TTC8: variants seen among roughly 807,000 people sequenced by gnomAD.
TTC8 encodes tetratricopeptide repeat protein 8.
Under a neutral mutation model 72.5 loss-of-function variants are expected in TTC8, and 47 were observed. The ratio of observed to expected loss-of-function variants is 0.65; its 90% CI spans 0.51 to 0.83. The LOEUF is 0.83. TTC8 is among the 40% of genes least tolerant of loss of function. TTC8 has a pLI of 0.00. For missense variants in TTC8, 611 were observed against 623.2 expected, an observed-to-expected ratio of 0.98 and a Z score of 0.21; for synonymous variants, 199 against 221.4, an observed-to-expected ratio of 0.90 and a Z score of 0.90.
Position 88,866,537 on chromosome 14 carries a change from C to G in TTC8, c.910-3522C>G, listed in dbSNP as rs537181815. ...TTCAGCCTACACAGTGGCCATTGAC[C>G]CTCTCTGTGAAAGTAAAATCACCAC... On this transcript the variant is annotated intron_variant, in intron 10 of 14. Coordinates refer to ENST00000380656, the MANE Select transcript of TTC8 (RefSeq NM_144596.4). 3.3e-5 allele frequency among the ~76,000 whole-genome samples: 5 copies of G among 152,146 alleles called. No individual in the cohort carries two copies. The East Asian group carries it at 9.7e-4, about 29-fold the overall frequency.
At chr14:88,837,839 T>G (rs1278000438) in intron 2 of TTC8, among the ~76,000 whole-genome samples, 3 of 152,226 alleles carry the variant, frequency 2.0e-5, no homozygotes, top group African/African-American at 2.4e-5. Context: ...TTCTATACTT[T>G]GTTGGCTCTC....
At position 88,853,072 on chromosome 14, in the gene TTC8, T is replaced by A. The variant is rs761220167; in HGVS notation, c.710+16T>A. 2 of 1,598,932 alleles carry A rather than the reference T, an allele frequency of 1.3e-6. No individual in the cohort carries two copies. Among genetic ancestry groups the A allele is most frequent in the Non-Finnish European group, 1.7e-6 (2 of 1,166,714 alleles). ...GTTACTACAGGTAAATTTCATTATT[T>A]GTGAAGGGCTTAGAAGTGGCCACGT... is the stretch of plus-strand genomic sequence containing the variant. On this transcript the variant is annotated intron_variant, in intron 8 of 14. Transcript: ENST00000380656.
intron 10 of TTC8, among the ~76,000 whole-genome samples, chr14:88,867,664 G>A (rs1460254079): frequency 2.6e-5 from 4 of 152,094 alleles, no homozygotes; most frequent in African/African-American, 7.2e-5. Context: ...ACCTACATAC[G>A]AGGTTGTCAG....
intron 13 of TTC8, among the ~76,000 whole-genome samples, chr14:88,872,922 C>T (rs1047841733): frequency 2.0e-5 from 3 of 152,192 alleles, no homozygotes; most frequent in African/African-American, 7.2e-5. Flanking sequence ...AGACTGCTCT[C>T]ATCTCTTGCA....
intron 1 of TTC8, among the ~76,000 whole-genome samples, chr14:88,830,704 T>C (rs1368668586): frequency 6.6e-6 from 1 of 152,232 alleles, no homozygotes; most frequent in East Asian, 1.9e-4. Context: ...TCTGCTCAAC[T>C]GCGCTGATAC....
chr14:88,862,570 A>T (rs1178452885), intron 10 of TTC8, among the ~76,000 whole-genome samples: 3 of 63,080 alleles, frequency 4.8e-5, no homozygotes, highest in Admixed American at 1.7e-4. Context: ...ATATATATAT[A>T]TATATATATA....
chr14:88,847,872 C>G (rs1411593257), intron 7 of TTC8, among the ~76,000 whole-genome samples: 1 of 151,916 alleles, frequency 6.6e-6, no homozygotes, highest in Non-Finnish European at 1.5e-5. Context: ...ACTGTAATCC[C>G]AGCACTTTGG....
chr14:88,869,817 A>G (rs1441584961), intron 10 of TTC8, among the ~76,000 whole-genome samples: 2 of 151,966 alleles, frequency 1.3e-5, no homozygotes, highest in East Asian at 1.9e-4. Context: ...GTTTCTCTTC[A>G]CAGCACTTAA....
At chr14:88,835,776 G>C (rs954685004) in intron 2 of TTC8, among the ~76,000 whole-genome samples, 2 of 151,474 alleles carry the variant, frequency 1.3e-5, no homozygotes, top group African/African-American at 4.9e-5. Context: ...CTTTTTTTTG[G>C]TTTGTTTTTT....
intron 7 of TTC8, among the ~76,000 whole-genome samples, chr14:88,852,060 C>G (rs1022020073): frequency 8.5e-5 from 13 of 152,242 alleles, no homozygotes; most frequent in African/African-American, 2.9e-4. Context: ...TTAACACTGG[C>G]TAAAGAATAA....
Position 88,824,669 on chromosome 14 carries a change from T to A in TTC8, c.-39T>A. On this transcript the variant is annotated 5_prime_UTR_variant, in exon 1 of 15. Coordinates refer to ENST00000380656, the MANE Select transcript of TTC8 (RefSeq NM_144596.4). ...GCTCTTCACTCCACGCCCACCTCTC[T>A]CCTGGAGCGCTGGGCCTTCGCTGGC... is the stretch of plus-strand genomic sequence containing the variant. The A allele has an allele frequency of 6.6e-7, 1 of 1,524,884 alleles. No individual in the cohort carries two copies. The highest frequency in any genetic ancestry group is 8.9e-7 in the Non-Finnish European group (1 of 1,118,866). The allele number at this position is 1,524,884 out of a possible 1,614,324, so 94.5% of individuals were successfully genotyped here. A position where few individuals can be genotyped will look rare whatever the true frequency, so the allele number is the denominator to read the frequency against.
chr14:88,872,473 A>G lies in TTC8; in HGVS notation c.1347+21A>G, dbSNP rs375953841. ...AACAGGTCAGTGAACTGGCAGCGGCATGCTGGGCAGTCTGCTTTCTTCAGA... is the reference window on the plus strand; with the variant it reads ...AACAGGTCAGTGAACTGGCAGCGGCGTGCTGGGCAGTCTGCTTTCTTCAGA... On this transcript the variant is annotated intron_variant, in intron 13 of 14. Coordinates refer to ENST00000380656, the MANE Select transcript of TTC8 (RefSeq NM_144596.4). 14 of 1,612,812 alleles carry G rather than the reference A, an allele frequency of 8.7e-6. No individual in the cohort carries two copies. In the South Asian group the frequency reaches 1.4e-4, roughly 16 times the overall value.
chr14:88,837,549 A>G (rs1337522423), intron 2 of TTC8, among the ~76,000 whole-genome samples: 2 of 152,300 alleles, frequency 1.3e-5, no homozygotes, highest in East Asian at 3.9e-4. Flanking sequence ...AGCAGAGCCC[A>G]TGTTGTGCTT....
chr14:88,856,572 TA>T lies in TTC8; in HGVS notation c.711-616del, dbSNP rs535698448. On this transcript the variant is annotated intron_variant, in intron 8 of 14. Coordinates refer to ENST00000380656, the MANE Select transcript of TTC8 (RefSeq NM_144596.4). Reference sequence around the variant, plus strand: ...GTGGCAACAGATTCTTTCCTGGGTGTAAGAGGTAGGCCCTACTTACATCAGG... The same window carrying T: ...GTGGCAACAGATTCTTTCCTGGGTGTAGAGGTAGGCCCTACTTACATCAGG... Among the ~76,000 whole-genome samples the T allele has an allele frequency of 5.8e-4, 89 of 152,270 alleles. No homozygotes were observed. The Middle Eastern group carries it at 0.01, about 17-fold the overall frequency.
intron 7 of TTC8, among the ~76,000 whole-genome samples, chr14:88,852,265 T>C (rs1449649286): frequency 6.6e-6 from 1 of 152,176 alleles, no homozygotes; most frequent in Non-Finnish European, 1.5e-5. Context: ...TCACCTCTTG[T>C]CTAATCTTGA....
downstream of TTC8, chr14:88,880,086 A>G (rs2094969188): frequency 6.6e-6 from 1 of 152,146 alleles, no homozygotes; most frequent in Non-Finnish European, 1.5e-5. Context: ...ATATTTTAGA[A>G]AGGCTGGCAG....
chr14:88,825,172 G>A (rs2094693469), intron 1 of TTC8, among the ~76,000 whole-genome samples: 1 of 152,222 alleles, frequency 6.6e-6, no homozygotes, highest in Non-Finnish European at 1.5e-5. Flanking sequence ...CTCAGCGTGT[G>A]CGTTGTTAAT....
chr14:88,871,542 T>C lies in TTC8; in HGVS notation c.1050-7T>C, dbSNP rs1335514701. On this transcript the variant is annotated splice_region_variant and splice_polypyrimidine_tract_variant and intron_variant, in intron 11 of 14. Transcript: ENST00000380656. This position sits in a 1 kb window ranked among gnomAD's most constrained non-coding sequence, Gnocchi z 4.1. ...ACACCAAAATTTGTGTGTTCTTTTT[T>C]GAAAAGGCGGCTGCTGCAGATGGGC... The C allele has an allele frequency of 1.2e-6, 2 of 1,613,606 alleles. No individual in the cohort carries two copies. The highest frequency in any genetic ancestry group is 1.7e-6 in the Non-Finnish European group (2 of 1,179,988).
chr14:88,840,813 T>A, intron 3 of TTC8, 52 bp from the exon 4 acceptor site: 1 of 1,572,820 alleles, frequency 6.4e-7, no homozygotes, highest in Non-Finnish European at 8.7e-7. Flanking sequence ...GCTTACAGTT[T>A]TTACAGATTA....
Sources: allele counts gnomAD v4.1 joint callset (sites outside exome capture counted in the v4.1 genomes callset), GRCh38; gene constraint gnomAD v4.1.1; non-coding constraint Gnocchi (gnomAD v3.1); transcripts MANE v1.5; gene names NCBI Gene and HGNC (gene_info 2026-07-23, HGNC 2026-07-21).